The following VPS13C variants were observed in gnomAD, a reference collection of about 807,000 sequenced individuals.
The protein encoded by VPS13C is intermembrane lipid transfer protein VPS13C.
A neutral mutation model predicts 456.8 loss-of-function variants in VPS13C; 358 were observed. The observed-to-expected ratio is 0.78, with a 90% CI of 0.72 to 0.86. The LOEUF (loss-of-function observed/expected upper bound fraction) is 0.86, where lower values mean the gene tolerates loss of function less well. Among genes scored for constraint, VPS13C ranks in the 40% least tolerant of loss-of-function variants. The pLI is 0.00. For synonymous variants in VPS13C, 1,578 were observed against 1,486.7 expected, an observed-to-expected ratio of 1.06 and a Z score of -1.41; for missense variants, 4,818 against 4,385.4, an observed-to-expected ratio of 1.10 and a Z score of -2.79.
rs2043703578 is a variant in VPS13C at position 61,922,767 on chromosome 15, A to G, written c.6610-5T>C. 1 of 1,555,740 alleles carries G rather than the reference A, an allele frequency of 6.4e-7. No homozygotes were observed. The highest frequency in any genetic ancestry group is 1.4e-5 in the African/African-American group (1 of 72,322). ...ATTAAGAATTATGGGTGAAATCTTTAAAAAAGAAAGCAGAAAAATATTTAT... is the reference window on the plus strand; with the variant it reads ...ATTAAGAATTATGGGTGAAATCTTTGAAAAAGAAAGCAGAAAAATATTTAT... On this transcript the variant is annotated splice_polypyrimidine_tract_variant and splice_region_variant and intron_variant, in intron 53 of 84. Coordinates refer to ENST00000644861, the MANE Select transcript of VPS13C (RefSeq NM_020821.3).
rs79171649 is a variant in VPS13C at position 62,010,628 on chromosome 15, T to G, written c.884-29A>C. On this transcript the variant is annotated intron_variant, in intron 12 of 84. Transcript: ENST00000644861. ...ACATCACATGGGAAGACATAAGATA[T>G]GTTCATATGCTTTTACATATAAACA... 1.9e-6 allele frequency: 3 copies of G among 1,579,400 alleles called. No individual in the cohort carries two copies. In the Admixed American group the frequency reaches 5.5e-5, roughly 29 times the overall value.
chr15:61,912,910 G>A (rs75685403), intron 62 of VPS13C, among the ~76,000 whole-genome samples: 10,166 of 149,990 alleles, frequency 0.068, 581 homozygotes, highest in East Asian at 0.21. Flanking sequence ...TTTTGTCCTT[G>A]CGATAGTACA....
At chr15:62,008,268 G>A (rs552390982) in intron 14 of VPS13C, among the ~76,000 whole-genome samples, 1 of 151,854 alleles carries the variant, frequency 6.6e-6, no homozygotes, top group Admixed American at 6.6e-5. Context: ...GGGCGTGGTT[G>A]CACACCCCGT....
intron 81 of VPS13C, among the ~76,000 whole-genome samples, chr15:61,868,107 C>T (rs1894722324): frequency 6.6e-6 from 1 of 151,822 alleles, no homozygotes; most frequent in African/African-American, 2.4e-5. Context: ...TGGGGGAAAG[C>T]CTGTCATGGG....
chr15:62,046,459 T>C (rs2140746600), intron 1 of VPS13C, among the ~76,000 whole-genome samples: 1 of 152,324 alleles, frequency 6.6e-6, no homozygotes, highest in East Asian at 1.9e-4. Flanking sequence ...ACATGATGAA[T>C]TACACAAAAT....
At chr15:61,924,089 A>T (rs932978882) in intron 53 of VPS13C, among the ~76,000 whole-genome samples, 64 of 150,968 alleles carry the variant, frequency 4.2e-4, no homozygotes, top group African/African-American at 1.5e-3. Context: ...GATGGTCTCG[A>T]TCTCCTGACC....
At position 61,978,550 on chromosome 15, in the gene VPS13C, G is replaced by A. The variant is rs2045779816; in HGVS notation, c.2290+76C>T. The A allele has an allele frequency of 2.0e-6, 3 of 1,485,122 alleles. No homozygotes were observed. The Admixed American group carries it at 6.9e-5, about 34-fold the overall frequency. The allele number at this position is 1,485,122 out of a possible 1,614,324, so 92.0% of individuals were successfully genotyped here. A position where few individuals can be genotyped will look rare whatever the true frequency, so the allele number is the denominator to read the frequency against. On this transcript the variant is annotated intron_variant, in intron 23 of 84. Coordinates refer to ENST00000644861, the MANE Select transcript of VPS13C (RefSeq NM_020821.3). ...AATGGTTGTCAGGGTTGATATATAG[G>A]CACACATATATACACGTATATTACA...
At chr15:61,968,429 A>T (rs1188014449) in intron 28 of VPS13C, among the ~76,000 whole-genome samples, 1 of 152,116 alleles carries the variant, frequency 6.6e-6, no homozygotes, top group Admixed American at 6.6e-5. Flanking sequence ...ATGAAAATAC[A>T]ATGCCATTTT....
intron 42 of VPS13C, 30 bp from the exon 43 acceptor site, chr15:61,947,339 C>T (rs779509864): frequency 6.6e-7 from 1 of 1,505,462 alleles, no homozygotes; most frequent in East Asian, 2.3e-5. Flanking sequence ...TTCTGATGAG[C>T]AAAGGGAAAA....
intron 83 of VPS13C, among the ~76,000 whole-genome samples, chr15:61,855,812 A>T (rs1334624984): frequency 6.6e-6 from 1 of 152,106 alleles, no homozygotes; most frequent in Non-Finnish European, 1.5e-5. Context: ...TGAGTCTAAG[A>T]ACTAAGCAAA....
chr15:61,991,828 A>C lies in VPS13C; in HGVS notation c.1354-26T>G, dbSNP rs551093745. 5.0e-6 allele frequency: 8 copies of C among 1,604,714 alleles called. No individual in the cohort carries two copies. In the East Asian group the frequency reaches 1.8e-4, roughly 36 times the overall value. On this transcript the variant is annotated intron_variant, in intron 16 of 84. Coordinates refer to ENST00000644861, the MANE Select transcript of VPS13C (RefSeq NM_020821.3). ...CTGAAAAATAAAAATTAAAAAATTTACTTTAAGAATGTTGCCCTCTTCATT... is the reference window on the plus strand; with the variant it reads ...CTGAAAAATAAAAATTAAAAAATTTCCTTTAAGAATGTTGCCCTCTTCATT...
intron 18 of VPS13C, 114 bp from the exon 19 acceptor site, chr15:61,985,113 G>T (rs985797643): frequency 1.3e-6 from 1 of 778,198 alleles, no homozygotes; most frequent in Non-Finnish European, 1.8e-6. Context: ...ATACAGCATG[G>T]CAGGTTCTGG....
At chr15:61,895,000 A>G (rs1282573298) in intron 66 of VPS13C, among the ~76,000 whole-genome samples, 2 of 152,342 alleles carry the variant, frequency 1.3e-5, no homozygotes, top group African/African-American at 2.4e-5. Flanking sequence ...AATTCAAAAA[A>G]GTTAAAATTA....
At chr15:61,979,190 T>C (rs923828124) in intron 22 of VPS13C, among the ~76,000 whole-genome samples, 2 of 152,142 alleles carry the variant, frequency 1.3e-5, no homozygotes, top group Non-Finnish European at 2.9e-5. Context: ...TACTGCCTTT[T>C]CCCCCTTCCT....
At chr15:61,895,926 TTA>T (rs2042795536) in intron 66 of VPS13C, among the ~76,000 whole-genome samples, 1 of 152,120 alleles carries the variant, frequency 6.6e-6, no homozygotes, top group East Asian at 1.9e-4. Flanking sequence ...AACAATATTA[TTA>T]TATAGTTTCA....
intron 66 of VPS13C, among the ~76,000 whole-genome samples, chr15:61,901,583 A>T (rs560459467): frequency 2.6e-5 from 4 of 152,330 alleles, no homozygotes; most frequent in South Asian, 4.1e-4. Context: ...CACCAGTTAG[A>T]ATGGCAATCA....
At chr15:62,058,225 G>C (rs2048864864) in intron 1 of VPS13C, among the ~76,000 whole-genome samples, 1 of 152,170 alleles carries the variant, frequency 6.6e-6, no homozygotes, top group African/African-American at 2.4e-5. Flanking sequence ...GCGTTTTCAA[G>C]TTTCAAATGT....
At chr15:61,954,321 T>G in intron 38 of VPS13C, 100 bp downstream of exon 38, 1 of 1,344,204 alleles carries the variant, frequency 7.4e-7, no homozygotes, top group East Asian at 2.4e-5. Flanking sequence ...CCACATAGAT[T>G]TTTTTCATCA....
intron 47 of VPS13C, among the ~76,000 whole-genome samples, chr15:61,937,930 C>A (rs1173716378): frequency 1.3e-5 from 2 of 152,120 alleles, no homozygotes; most frequent in Non-Finnish European, 2.9e-5. Flanking sequence ...GCTCCAAAGG[C>A]CTGTTTCAAG....
Sources: gnomAD v4.1 joint callset for allele counts (sites outside exome capture counted in the v4.1 genomes callset) on GRCh38, gnomAD v4.1.1 for gene constraint, MANE v1.5 for transcripts, NCBI Gene and HGNC (gene_info 2026-07-23, HGNC 2026-07-21) for gene names.